The following LRRIQ3 variants were observed in gnomAD, a reference collection of about 807,000 sequenced individuals.
LRRIQ3 encodes the protein leucine rich repeats and IQ motif containing 3.
A neutral mutation model predicts 59.3 loss-of-function variants in LRRIQ3; 75 were observed. That is an observed-to-expected ratio of 1.26 (90% CI 1.05 to 1.53). LRRIQ3 has a LOEUF of 1.53. LRRIQ3 is among the 40% of genes most tolerant of loss of function. The probability of loss-of-function intolerance (pLI) is 0.00; values close to 1 mark genes in which losing one functional copy is unlikely to be tolerated. For synonymous variants in LRRIQ3, 250 were observed against 231.3 expected (o/e 1.08, Z -0.73); for missense variants, 831 against 710.0 (o/e 1.17, Z -1.94).
Position 74,182,754 on chromosome 1 carries a change from AGAT to A in LRRIQ3, c.354_356del (p.Leu118_Ser119delinsPhe). The stretch of plus-strand genomic sequence containing the variant: ...TGAGGGCAATGAGGGTTGGACAGGC[AGAT>A]AATACACATATATTCTTTAACTTTG... On this transcript the variant is annotated inframe_deletion, in exon 3 of 8. Coordinates refer to ENST00000354431, the MANE Select transcript of LRRIQ3 (RefSeq NM_001105659.2). The A allele has an allele frequency of 6.2e-7, 1 of 1,612,342 alleles. No homozygotes were observed. The highest frequency in any genetic ancestry group is 8.5e-7 in the Non-Finnish European group (1 of 1,178,732).
At chr1:74,185,246 C>A (rs1290089439) in intron 1 of LRRIQ3, among the ~76,000 whole-genome samples, 1 of 152,168 alleles carries the variant, frequency 6.6e-6, no homozygotes, top group Non-Finnish European at 1.5e-5. Flanking sequence ...GTGGTTGTAC[C>A]ATTTGGACTC....
At chr1:74,176,555 ACT>A (rs1442696101) in intron 3 of LRRIQ3, among the ~76,000 whole-genome samples, 1 of 151,802 alleles carries the variant, frequency 6.6e-6, no homozygotes, top group East Asian at 1.9e-4. Flanking sequence ...TCAGTGCTGC[ACT>A]CTGTTTTCTC....
At chr1:74,072,555 T>A (rs1281821244) in intron 6 of LRRIQ3, among the ~76,000 whole-genome samples, 1 of 151,894 alleles carries the variant, frequency 6.6e-6, no homozygotes, top group African/African-American at 2.4e-5. Context: ...AATTTCTTCA[T>A]ATTTGGGCTT....
chr1:74,029,149 G>A (rs930329676), intron 7 of LRRIQ3, among the ~76,000 whole-genome samples: 1 of 152,024 alleles, frequency 6.6e-6, no homozygotes, highest in Non-Finnish European at 1.5e-5. Flanking sequence ...ATACAATCAC[G>A]TCATCTGCAA....
At chr1:74,181,116 G>A in intron 3 of LRRIQ3, 1 of 249,730 alleles carries the variant, frequency 4.0e-6, no homozygotes, top group Non-Finnish European at 7.8e-6. Context: ...AAAGAATGAA[G>A]AAATAAAATG....
At chr1:74,177,968 CA>C (rs1309030852) in intron 3 of LRRIQ3, among the ~76,000 whole-genome samples, 1 of 151,790 alleles carries the variant, frequency 6.6e-6, no homozygotes, top group Non-Finnish European at 1.5e-5. Context: ...TATGTTTTTG[CA>C]TAATACTATT....
chr1:74,069,796 A>G (rs1273769572), intron 6 of LRRIQ3, among the ~76,000 whole-genome samples: 1 of 152,102 alleles, frequency 6.6e-6, no homozygotes, highest in African/African-American at 2.4e-5. Context: ...TCATCCTTAC[A>G]ATAATATGCA....
At chr1:74,193,886 T>C (rs1262761820) in intron 1 of LRRIQ3, among the ~76,000 whole-genome samples, 1 of 152,196 alleles carries the variant, frequency 6.6e-6, no homozygotes, top group East Asian at 1.9e-4. Flanking sequence ...GTCTTAGTTT[T>C]TAGAAAATCT....
intron 4 of LRRIQ3, among the ~76,000 whole-genome samples, chr1:74,115,775 G>A (rs545614088): frequency 2.5e-4 from 38 of 151,844 alleles, no homozygotes; most frequent in Middle Eastern, 3.4e-3. Context: ...TTAGCTTCAG[G>A]GTCATGAATC....
chr1:74,127,627 G>T (rs1374650028), intron 4 of LRRIQ3, among the ~76,000 whole-genome samples: 2 of 151,512 alleles, frequency 1.3e-5, no homozygotes, highest in African/African-American at 4.8e-5. Flanking sequence ...TCATCCTTCT[G>T]CTTTTTAACT....
intron 3 of LRRIQ3, among the ~76,000 whole-genome samples, chr1:74,159,804 T>A (rs1648556443): frequency 6.6e-6 from 1 of 152,088 alleles, no homozygotes; most frequent in South Asian, 2.1e-4. Context: ...AATAATTATC[T>A]CCCTAACTTG....
Position 74,141,659 on chromosome 1 carries a change from G to A in LRRIQ3, c.707+14074C>T, listed in dbSNP as rs150599192. On this transcript the variant is annotated intron_variant, in intron 4 of 7. Transcript: ENST00000354431. The stretch of plus-strand genomic sequence containing the variant: ...TTATTTCTAAATATGTATTAGATAC[G>A]TATTTTGTTTGATAAAAAATGTTCT... 3.9e-3 allele frequency among the ~76,000 whole-genome samples: 584 copies of A among 151,608 alleles called. 5 individuals carry two copies. Among genetic ancestry groups the A allele is most frequent in the African/African-American group, 0.013 (548 of 41,416 alleles).
intron 5 of LRRIQ3, among the ~76,000 whole-genome samples, chr1:74,101,701 C>A (rs1031100921): frequency 6.6e-6 from 1 of 152,092 alleles, no homozygotes; most frequent in African/African-American, 2.4e-5. Flanking sequence ...AAATGTGGCA[C>A]ATATACACCA....
At chr1:74,164,224 A>G (rs1648833564) in intron 3 of LRRIQ3, among the ~76,000 whole-genome samples, 1 of 151,366 alleles carries the variant, frequency 6.6e-6, no homozygotes, top group South Asian at 2.1e-4. Context: ...TTTCCCCTCA[A>G]ATTCATATAC....
rs116152903 is a variant in LRRIQ3 at position 74,123,025 on chromosome 1, G to A, written c.708-13472C>T. On this transcript the variant is annotated intron_variant, in intron 4 of 7. Transcript: ENST00000354431. ...CCTGGGCCTATTTCATTAGTCTTTT[G>A]AGAGAATAAACATTTAGCCCCCACT... 4.3e-3 allele frequency among the ~76,000 whole-genome samples: 660 copies of A among 152,188 alleles called. 3 individuals carry two copies. The highest frequency in any genetic ancestry group is 0.015 in the African/African-American group (633 of 41,560).
chr1:74,115,376 C>CCATCT (rs1278949397), intron 4 of LRRIQ3, among the ~76,000 whole-genome samples: 19 of 152,002 alleles, frequency 1.2e-4, no homozygotes, highest in African/African-American at 4.1e-4. Flanking sequence ...TTTAATATTT[C>CCATCT]CATCTCATCT....
chr1:74,042,025 C>T (rs1654063632), intron 6 of LRRIQ3, 92 bp from the exon 7 acceptor site: 1 of 1,250,206 alleles, frequency 8.0e-7, no homozygotes. Context: ...TGATAAGAAC[C>T]TTTTATTTAC....
chr1:74,091,096 T>C (rs1288653342), intron 5 of LRRIQ3, among the ~76,000 whole-genome samples: 1 of 151,874 alleles, frequency 6.6e-6, no homozygotes, highest in Non-Finnish European at 1.5e-5. Context: ...CTCAAGGAGA[T>C]CAGGAATCAA....
intron 5 of LRRIQ3, among the ~76,000 whole-genome samples, chr1:74,101,922 G>A (rs569687877): frequency 1.3e-5 from 2 of 152,142 alleles, no homozygotes; most frequent in African/African-American, 2.4e-5. Flanking sequence ...GGTGGGGGGA[G>A]CGGGGAGGGA....
Sources: gnomAD v4.1 joint callset for allele counts (sites outside exome capture counted in the v4.1 genomes callset) on GRCh38, gnomAD v4.1.1 for gene constraint, MANE v1.5 for transcripts, NCBI Gene and HGNC (gene_info 2026-07-23, HGNC 2026-07-21) for gene names.